GSG1L: variants seen among roughly 807,000 people sequenced by gnomAD.
GSG1L encodes GSG1 like, also known as germ cell-specific gene 1-like protein.
In GSG1L, 24 loss-of-function variants were observed where a neutral mutation model predicts 42.1. That is an observed-to-expected ratio of 0.57 (90% confidence interval 0.41 to 0.80). The LOEUF (loss-of-function observed/expected upper bound fraction) is 0.80. Ranked by LOEUF, GSG1L falls within the 30% of genes least tolerant of loss-of-function variation. GSG1L has a pLI of 0.00. For synonymous variants in GSG1L, 215 were observed against 203.5 expected, an observed-to-expected ratio of 1.06 and a Z score of -0.48; for missense variants, 445 against 472.2, an observed-to-expected ratio of 0.94 and a Z score of 0.53.
At chr16:28,032,936 A>G (rs1007163895) in intron 1 of GSG1L, among the ~76,000 whole-genome samples, 2 of 152,242 alleles carry the variant, frequency 1.3e-5, no homozygotes, top group Admixed American at 1.3e-4. Context: ...CCAGTCCTCA[A>G]TCAGAATGCA....
intron 1 of GSG1L, among the ~76,000 whole-genome samples, chr16:27,975,076 C>T (rs1026078640): frequency 4.6e-5 from 7 of 151,996 alleles, no homozygotes; most frequent in East Asian, 1.9e-4. Context: ...ATCTCTGGGC[C>T]GGGACTTGAG....
chr16:27,925,277 A>G (rs1415643274), intron 2 of GSG1L, among the ~76,000 whole-genome samples: 1 of 152,188 alleles, frequency 6.6e-6, no homozygotes, highest in Non-Finnish European at 1.5e-5. Context: ...CAACATAGGC[A>G]GGGCCAACAT....
chr16:28,053,839 G>A (rs2086247352), intron 1 of GSG1L, among the ~76,000 whole-genome samples: 1 of 152,138 alleles, frequency 6.6e-6, no homozygotes, highest in Non-Finnish European at 1.5e-5. Flanking sequence ...GCTGCTCTCT[G>A]CATCTCTGTC....
At chr16:28,032,233 T>A (rs2085973252) in intron 1 of GSG1L, among the ~76,000 whole-genome samples, 1 of 152,210 alleles carries the variant, frequency 6.6e-6, no homozygotes, top group Non-Finnish European at 1.5e-5. Flanking sequence ...TCCGTCAGAC[T>A]TGGATTCTCA....
At chr16:27,860,342 A>T (rs1402141250) in intron 3 of GSG1L, among the ~76,000 whole-genome samples, 1 of 152,184 alleles carries the variant, frequency 6.6e-6, no homozygotes, top group African/African-American at 2.4e-5. Context: ...CAGGAGCCGC[A>T]TAGTAGGTGC....
intron 2 of GSG1L, among the ~76,000 whole-genome samples, chr16:27,923,230 C>T (rs559822889): frequency 2.6e-5 from 4 of 152,368 alleles, no homozygotes; most frequent in Non-Finnish European, 5.9e-5. Context: ...GATCAGGTCT[C>T]TGTGTGGCAC....
At chr16:28,021,072 A>C (rs1036383617) in intron 1 of GSG1L, among the ~76,000 whole-genome samples, 2 of 152,224 alleles carry the variant, frequency 1.3e-5, no homozygotes, top group African/African-American at 4.8e-5. Flanking sequence ...GTGGTGTATT[A>C]GTCCTTTCTC....
chr16:27,855,597 G>A (rs1430137002), intron 3 of GSG1L, among the ~76,000 whole-genome samples: 1 of 151,682 alleles, frequency 6.6e-6, no homozygotes, highest in Non-Finnish European at 1.5e-5. Flanking sequence ...GCCGGTGCCT[G>A]TAATCCCAGC....
intron 2 of GSG1L, among the ~76,000 whole-genome samples, chr16:27,949,059 A>G (rs1050136188): frequency 6.6e-6 from 1 of 151,880 alleles, no homozygotes; most frequent in Non-Finnish European, 1.5e-5. Flanking sequence ...CTGGGACTAC[A>G]GGCACGTGCC....
chr16:27,902,256 T>G (rs1450641924), intron 2 of GSG1L, among the ~76,000 whole-genome samples: 1 of 151,666 alleles, frequency 6.6e-6, no homozygotes, highest in Non-Finnish European at 1.5e-5. Context: ...ATGGCCAGAG[T>G]TGTTCAGCAG....
chr16:27,857,531 C>A lies in GSG1L; in HGVS notation c.551-12470G>T, dbSNP rs187112933. ...CCAAGGCAGGAGGATCACTTGAGGC[C>A]AGGGGTTCAAGACCAGCCTGGGCAA... is the stretch of plus-strand genomic sequence containing the variant. On this transcript the variant is annotated intron_variant, in intron 3 of 6. Transcript: ENST00000447459. Among the ~76,000 whole-genome samples the A allele has an allele frequency of 4.4e-3, 672 of 152,036 alleles. 2 individuals are homozygous for A. The highest frequency in any genetic ancestry group is 0.016 in the African/African-American group (646 of 41,452).
At chr16:27,888,140 C>T (rs1165513137) in intron 2 of GSG1L, 2 of 985,420 alleles carry the variant, frequency 2.0e-6, no homozygotes, top group Non-Finnish European at 2.4e-6. Flanking sequence ...CATGGCGCTG[C>T]TCACTGACTC....
At chr16:27,931,970 G>A (rs1465925442) in intron 2 of GSG1L, among the ~76,000 whole-genome samples, 1 of 152,184 alleles carries the variant, frequency 6.6e-6, no homozygotes, top group African/African-American at 2.4e-5. Flanking sequence ...TTACTGTTCA[G>A]CAGACATTCA....
intron 4 of GSG1L, among the ~76,000 whole-genome samples, chr16:27,829,823 G>A (rs1339141497): frequency 6.6e-6 from 1 of 152,090 alleles, no homozygotes; most frequent in Non-Finnish European, 1.5e-5. Flanking sequence ...CACATAGTAG[G>A]CACTCAAGAA....
In GSG1L at chr16:27,807,584, C is replaced by T. The variant is rs373880812; in HGVS notation, c.831-30G>A. 2.0e-5 allele frequency: 32 copies of T among 1,591,574 alleles called. No individual in the cohort carries two copies. The African/African-American group carries it at 3.3e-4, about 17-fold the overall frequency. On this transcript the variant is annotated intron_variant, in intron 5 of 6. Coordinates refer to ENST00000447459, the MANE Select transcript of GSG1L (RefSeq NM_001109763.2). ...AAAGAAAAAAAAACAAAAACAAAAT[C>T]CTAGGTAGGAAAGAGAAGGATGAGT...
intron 5 of GSG1L, among the ~76,000 whole-genome samples, chr16:27,824,305 A>G (rs1024143180): frequency 6.6e-6 from 1 of 152,212 alleles, no homozygotes; most frequent in Admixed American, 6.5e-5. Context: ...CCCAAATTAC[A>G]TAGCAGCAAA....
intron 2 of GSG1L, among the ~76,000 whole-genome samples, chr16:27,894,350 A>G (rs1339152762): frequency 6.6e-6 from 1 of 152,226 alleles, no homozygotes; most frequent in African/African-American, 2.4e-5. Context: ...AGGATTAGGA[A>G]ACCGGAACAA....
chr16:27,971,215 T>A (rs551531406), intron 1 of GSG1L, among the ~76,000 whole-genome samples: 1 of 152,320 alleles, frequency 6.6e-6, no homozygotes, highest in South Asian at 2.1e-4. Context: ...TTGCACTGAA[T>A]CTGTAATGGG....
intron 1 of GSG1L, among the ~76,000 whole-genome samples, chr16:28,048,436 A>AT (rs1279949078): frequency 6.6e-6 from 1 of 152,094 alleles, no homozygotes; most frequent in Non-Finnish European, 1.5e-5. Context: ...AGGCACTGGG[A>AT]TTTTTTTAAT....
Sources: gnomAD v4.1 joint callset for allele counts (sites outside exome capture counted in the v4.1 genomes callset) on GRCh38, gnomAD v4.1.1 for gene constraint, MANE v1.5 for transcripts, NCBI Gene and HGNC (gene_info 2026-07-23, HGNC 2026-07-21) for gene names.